ANGPT4: variants seen among roughly 807,000 people sequenced by gnomAD.
ANGPT4 encodes the protein angiopoietin-4.
Under a neutral mutation model 53.0 loss-of-function variants are expected in ANGPT4, and 50 were observed. That is an observed-to-expected ratio of 0.94 (90% confidence interval 0.75 to 1.20). The LOEUF (loss-of-function observed/expected upper bound fraction) is 1.20, where lower values mean the gene tolerates loss of function less well. Ranked by LOEUF, ANGPT4 falls within the 50% of genes most tolerant of loss-of-function variation. The pLI, the probability that ANGPT4 is intolerant of heterozygous loss-of-function variation, is 0.00. For missense variants in ANGPT4, 648 were observed against 637.1 expected, an observed-to-expected ratio of 1.02 and a Z score of -0.18; for synonymous variants, 251 against 259.7, an observed-to-expected ratio of 0.97 and a Z score of 0.32.
chr20:888,253 C>T (rs1981689670), intron 3 of ANGPT4, 65 bp downstream of exon 3: 2 of 1,555,210 alleles, frequency 1.3e-6, no homozygotes, highest in East Asian at 2.3e-5. Context: ...GGTGCCTGCC[C>T]TAGGTCCTAA....
intron 1 of ANGPT4, among the ~76,000 whole-genome samples, chr20:900,255 G>T (rs1355585054): frequency 6.6e-6 from 1 of 152,074 alleles, no homozygotes; most frequent in Non-Finnish European, 1.5e-5. Context: ...AAATAACAGT[G>T]AATGGTTGCT....
intron 1 of ANGPT4, among the ~76,000 whole-genome samples, chr20:913,862 G>C (rs1184036871): frequency 1.3e-5 from 2 of 152,218 alleles, no homozygotes; most frequent in African/African-American, 4.8e-5. Flanking sequence ...TGGCTGGGTG[G>C]TGGTGTCACC....
At chr20:885,055 T>C (rs1468081093) in intron 4 of ANGPT4, 23 bp downstream of exon 4, 1 of 1,613,026 alleles carries the variant, frequency 6.2e-7, no homozygotes, top group African/African-American at 1.3e-5. Flanking sequence ...TTAGCCACAC[T>C]GGGGCGCACA....
rs772356036 is a variant in ANGPT4 at position 881,226 on chromosome 20, G to A, written c.896C>T (p.Ala299Val). 1.9e-6 allele frequency: 3 copies of A among 1,613,254 alleles called. No individual in the cohort carries two copies. In the African/African-American group the frequency reaches 4.0e-5, roughly 22 times the overall value. The stretch of plus-strand genomic sequence containing the variant: ...GATGGTGTAGACACCACTGGCACTG[G>A]CCCCAGAGCGCTGGATCTCTGCACA... ...QDCAEIQRSG[A>V]SASGVYTIQV... Residue 299 changes from alanine to valine, a missense_variant, in exon 5 of 9, where the codon GCC becomes GTC. By Grantham distance (64) the Ala-to-Val change is moderately conservative. Transcript: ENST00000381922.
At chr20:904,770 G>T (rs939380257) in intron 1 of ANGPT4, among the ~76,000 whole-genome samples, 2 of 152,126 alleles carry the variant, frequency 1.3e-5, no homozygotes, top group African/African-American at 4.8e-5. Flanking sequence ...GGGACTATAG[G>T]CATGTGCCAC....
intron 1 of ANGPT4, among the ~76,000 whole-genome samples, chr20:912,806 C>T (rs1415442636): frequency 6.6e-6 from 1 of 152,054 alleles, no homozygotes. Context: ...CTTGGAAACT[C>T]TGCAGTAGAA....
chr20:888,451 A>G lies in ANGPT4; in HGVS notation c.466-12T>C. ...GTCTGGTTCAGGAGCTGCCCCAGCA[A>G]GCAGAAGCAGGTAGGGGGCTGCGTA... is the stretch of plus-strand genomic sequence containing the variant. On this transcript the variant is annotated splice_polypyrimidine_tract_variant and intron_variant, in intron 2 of 8. Coordinates refer to ENST00000381922, the MANE Select transcript of ANGPT4 (RefSeq NM_015985.4). The G allele has an allele frequency of 6.2e-7, 1 of 1,608,806 alleles. No individual in the cohort carries two copies. The highest frequency in any genetic ancestry group is 8.5e-7 in the Non-Finnish European group (1 of 1,178,946).
At chr20:907,678 G>A (rs1982526780) in intron 1 of ANGPT4, among the ~76,000 whole-genome samples, 1 of 152,218 alleles carries the variant, frequency 6.6e-6, no homozygotes, top group Non-Finnish European at 1.5e-5. Context: ...TAAACAACTT[G>A]TCCAAGGACA....
rs1053714183 is a variant in ANGPT4, at chr20:911,405, G to A, written c.309+4501C>T. Among the ~76,000 whole-genome samples, 1 of 152,250 alleles carries A rather than the reference G, an allele frequency of 6.6e-6. No individual in the cohort carries two copies. The highest frequency in any genetic ancestry group is 1.5e-5 in the Non-Finnish European group (1 of 68,050). On this transcript the variant is annotated intron_variant, in intron 1 of 8. Transcript: ENST00000381922. This position sits in a 1 kb window ranked among gnomAD's most constrained non-coding sequence, Gnocchi z 4.9. ...GCCTCGGCTGAGCAGCCAGCTGCAG[G>A]GTGGGCATTGGTCATTTGGCAGATG...
Position 881,343 on chromosome 20 carries a change from C to T in ANGPT4, c.836-57G>A, listed in dbSNP as rs908078401. 9 of 1,508,748 alleles carry T rather than the reference C, an allele frequency of 6.0e-6. No individual in the cohort carries two copies. In the Admixed American group the frequency reaches 8.5e-5, roughly 14 times the overall value. The allele number at this position is 1,508,748 out of a possible 1,614,324, so 93.5% of individuals were successfully genotyped here. ...GGTGGGCAAGGAAAGAGAGAAGGGGCCAAGTGGGCATGCCTGCCTGCTTTG... is the reference window on the plus strand; with the variant it reads ...GGTGGGCAAGGAAAGAGAGAAGGGGTCAAGTGGGCATGCCTGCCTGCTTTG... On this transcript the variant is annotated intron_variant, in intron 4 of 8. Coordinates refer to ENST00000381922, the MANE Select transcript of ANGPT4 (RefSeq NM_015985.4).
intron 6 of ANGPT4, 55 bp from the exon 7 acceptor site, chr20:878,382 T>C (rs1981258649): frequency 1.3e-6 from 2 of 1,538,390 alleles, no homozygotes; most frequent in African/African-American, 1.4e-5. Flanking sequence ...GCCATGTCCC[T>C]GGCTGAGGAG....
At chr20:897,614 G>T (rs554685266) in intron 1 of ANGPT4, among the ~76,000 whole-genome samples, 1 of 152,306 alleles carries the variant, frequency 6.6e-6, no homozygotes, top group African/African-American at 2.4e-5. Flanking sequence ...TCACCGGGGG[G>T]ACACCTGCCT....
chr20:876,809 G>A lies in ANGPT4; in HGVS notation c.1220+1352C>T, dbSNP rs545629226. Among the ~76,000 whole-genome samples, 121 of 152,272 alleles carry A rather than the reference G, an allele frequency of 7.9e-4. 1 individual carries two copies. Among genetic ancestry groups the A allele is most frequent in the African/African-American group, 2.8e-3 (117 of 41,546 alleles). ...AATTTTTCATTCAGCTCTGGACCTTGCATTATCAGGTTGGTATGGATCCCA... is the reference window on the plus strand; with the variant it reads ...AATTTTTCATTCAGCTCTGGACCTTACATTATCAGGTTGGTATGGATCCCA... On this transcript the variant is annotated intron_variant, in intron 7 of 8. Coordinates refer to ENST00000381922, the MANE Select transcript of ANGPT4 (RefSeq NM_015985.4).
rs576152375 is a variant in ANGPT4, at chr20:888,246, G to A, written c.587+72C>T. On this transcript the variant is annotated intron_variant, in intron 3 of 8. Coordinates refer to ENST00000381922, the MANE Select transcript of ANGPT4 (RefSeq NM_015985.4). ...CCCCAGTCCTAGCCCTGGCTCTGGT[G>A]CCTGCCCTAGGTCCTAAACTTGACT... is the stretch of plus-strand genomic sequence containing the variant. 2.0e-6 allele frequency: 3 copies of A among 1,533,776 alleles called. No individual in the cohort carries two copies. In the East Asian group the frequency reaches 6.9e-5, roughly 35 times the overall value.
At chr20:888,584 A>ACAGGC in intron 2 of ANGPT4, 145 bp from the exon 3 acceptor site, 1 of 1,346,456 alleles carries the variant, frequency 7.4e-7, no homozygotes, top group Non-Finnish European at 9.8e-7. Flanking sequence ...TTACTCACTC[A>ACAGGC]CAGGCCCTGA....
chr20:915,883 T>G, intron 1 of ANGPT4, 23 bp downstream of exon 1: 1 of 1,536,806 alleles, frequency 6.5e-7, no homozygotes, highest in Non-Finnish European at 8.8e-7. Flanking sequence ...CTCTGCCCCC[T>G]GCAAACCTCC....
intron 4 of ANGPT4, among the ~76,000 whole-genome samples, chr20:883,338 C>A (rs1173895695): frequency 6.6e-6 from 1 of 152,234 alleles, no homozygotes. Flanking sequence ...CAAGTTTGGT[C>A]TTTTCTGCCT....
rs1186414879 is a variant in ANGPT4, at chr20:914,910, G to C, written c.309+996C>G. 6.6e-6 allele frequency among the ~76,000 whole-genome samples: 1 copy of C among 152,076 alleles called. No individual in the cohort carries two copies. The highest frequency in any genetic ancestry group is 3.2e-3 in the Middle Eastern group (1 of 316). On this transcript the variant is annotated intron_variant, in intron 1 of 8. Coordinates refer to ENST00000381922, the MANE Select transcript of ANGPT4 (RefSeq NM_015985.4). The surrounding 1 kb of genome is among the most constrained non-coding windows in gnomAD (Gnocchi z 5.0). ...GCATTCTACAGCAGCCCTGGTCTTG[G>C]GCCAAAACCACAGTGGCATCCTCAG... is the stretch of plus-strand genomic sequence containing the variant.
At chr20:890,476 G>A in intron 1 of ANGPT4, 108 bp from the exon 2 acceptor site, 1 of 1,018,288 alleles carries the variant, frequency 9.8e-7, no homozygotes. Flanking sequence ...AGGCCTCCCT[G>A]GCTCAGAACA....
Sources: gnomAD v4.1 joint callset for allele counts (sites outside exome capture counted in the v4.1 genomes callset) on GRCh38, gnomAD v4.1.1 for gene constraint, Gnocchi (gnomAD v3.1) non-coding constraint, MANE v1.5 for transcripts, NCBI Gene and HGNC (gene_info 2026-07-23, HGNC 2026-07-21) for gene names.